Variants in LHFPL3 observed in about 807,000 individuals in gnomAD.
The protein encoded by LHFPL3 is LHFPL tetraspan subfamily member 3, also known as LHFPL tetraspan subfamily member 3 protein.
A neutral mutation model predicts 19.3 loss-of-function variants in LHFPL3; 5 were observed. The ratio of observed to expected loss-of-function variants is 0.26; its 90% CI spans 0.14 to 0.54. LHFPL3 has a LOEUF of 0.54. LHFPL3 is among the 20% of genes least tolerant of loss of function. The pLI is 0.94. For synonymous variants in LHFPL3, 133 were observed against 126.2 expected (o/e 1.05, Z -0.36); for missense variants, 249 against 307.4 (o/e 0.81, Z 1.42).
intron 1 of LHFPL3, among the ~76,000 whole-genome samples, chr7:104,719,637 G>T (rs143641432): frequency 6.6e-6 from 1 of 152,082 alleles, no homozygotes; most frequent in South Asian, 2.1e-4. Flanking sequence ...GTTTTTAAGC[G>T]TCATTTTATT....
chr7:104,575,782 G>A (rs1183169288), intron 1 of LHFPL3, among the ~76,000 whole-genome samples: 1 of 151,988 alleles, frequency 6.6e-6, no homozygotes, highest in Non-Finnish European at 1.5e-5. Context: ...AAAGTGCTGG[G>A]ATTACAGGCA....
chr7:104,592,131 G>A (rs1197358395), intron 1 of LHFPL3, among the ~76,000 whole-genome samples: 5 of 152,238 alleles, frequency 3.3e-5, no homozygotes, highest in African/African-American at 1.2e-4. Context: ...ACTCGTCAAA[G>A]TCATTCTCCA....
chr7:104,417,706 T>C (rs1025739452), intron 1 of LHFPL3, among the ~76,000 whole-genome samples: 4 of 152,074 alleles, frequency 2.6e-5, no homozygotes, highest in African/African-American at 9.7e-5. Flanking sequence ...CCAAGTTACA[T>C]TAATTCACAA....
In LHFPL3 at chr7:104,431,528, C is replaced by T. The variant is rs115383960; in HGVS notation, c.445+102304C>T. 2.2e-3 allele frequency among the ~76,000 whole-genome samples: 331 copies of T among 152,078 alleles called. 1 individual carries two copies. Among genetic ancestry groups the T allele is most frequent in the African/African-American group, 7.5e-3 (313 of 41,502 alleles). Reference sequence around the variant, plus strand: ...CTCACTTATTTGATCATTTTATTTCCTATATCTCTTGCAGTATTCTCCTGC... The same window carrying T: ...CTCACTTATTTGATCATTTTATTTCTTATATCTCTTGCAGTATTCTCCTGC... On this transcript the variant is annotated intron_variant, in intron 1 of 2. Transcript: ENST00000424859.
chr7:104,728,037 TAG>T (rs1421334812), intron 1 of LHFPL3, among the ~76,000 whole-genome samples: 2 of 151,936 alleles, frequency 1.3e-5, no homozygotes, highest in African/African-American at 4.8e-5. Flanking sequence ...AGCACACAGG[TAG>T]ATAAGAGAAG....
At chr7:104,642,111 C>A (rs1169904159) in intron 1 of LHFPL3, among the ~76,000 whole-genome samples, 1 of 144,406 alleles carries the variant, frequency 6.9e-6, no homozygotes. Flanking sequence ...AATCTCAGCT[C>A]ACTGCAGCCT....
At chr7:104,875,475 C>T (rs915663801) in intron 2 of LHFPL3, among the ~76,000 whole-genome samples, 2 of 152,146 alleles carry the variant, frequency 1.3e-5, no homozygotes, top group African/African-American at 4.8e-5. Context: ...TTATTAGAGC[C>T]CATCTGGGTG....
At chr7:104,854,617 T>C (rs1004795718) in intron 2 of LHFPL3, among the ~76,000 whole-genome samples, 23 of 152,222 alleles carry the variant, frequency 1.5e-4, no homozygotes, top group African/African-American at 5.3e-4. Flanking sequence ...AGATTGTCCA[T>C]ACTTCCAGCA....
chr7:104,418,145 C>T (rs1245407037), intron 1 of LHFPL3, among the ~76,000 whole-genome samples: 4 of 152,002 alleles, frequency 2.6e-5, no homozygotes, highest in African/African-American at 4.8e-5. Flanking sequence ...CAAAATACTG[C>T]GATTACAGGT....
intron 1 of LHFPL3, among the ~76,000 whole-genome samples, chr7:104,585,071 CT>C (rs1370224894): frequency 6.6e-6 from 1 of 152,144 alleles, no homozygotes; most frequent in Non-Finnish European, 1.5e-5. Flanking sequence ...ATGATTGGCA[CT>C]TTTTCCCCCT....
At chr7:104,566,405 T>C (rs1291268062) in intron 1 of LHFPL3, among the ~76,000 whole-genome samples, 1 of 152,080 alleles carries the variant, frequency 6.6e-6, no homozygotes. Context: ...CATCCACATC[T>C]GGAAATAAAA....
chr7:104,643,710 A>G (rs186106276), intron 1 of LHFPL3, among the ~76,000 whole-genome samples: 56 of 152,326 alleles, frequency 3.7e-4, no homozygotes, highest in African/African-American at 1.3e-3. Context: ...AGCTCCCCAG[A>G]TGATTCTAGT....
At chr7:104,361,773 G>A (rs1790393953) in intron 1 of LHFPL3, among the ~76,000 whole-genome samples, 1 of 152,198 alleles carries the variant, frequency 6.6e-6, no homozygotes, top group Admixed American at 6.5e-5. Flanking sequence ...AAGTAGCAAG[G>A]GTTTAGGAAC....
At chr7:104,456,731 C>T (rs979809077) in intron 1 of LHFPL3, among the ~76,000 whole-genome samples, 11 of 152,202 alleles carry the variant, frequency 7.2e-5, no homozygotes, top group Admixed American at 3.3e-4. Context: ...GCTTTTTGAA[C>T]GCAAGCACTA....
In LHFPL3 at chr7:104,356,890, A is replaced by C. The variant is rs73403803; in HGVS notation, c.445+27666A>C. On this transcript the variant is annotated intron_variant, in intron 1 of 2. Coordinates refer to ENST00000424859, the MANE Select transcript of LHFPL3 (RefSeq NM_199000.3). ...CTTGTTAGGAACCCAGCCACACAGCAGGAGGTGAGCAGCGGGCTAGCGAGC... is the reference window on the plus strand; with the variant it reads ...CTTGTTAGGAACCCAGCCACACAGCCGGAGGTGAGCAGCGGGCTAGCGAGC... Among the ~76,000 whole-genome samples, 876 of 152,304 alleles carry C rather than the reference A, an allele frequency of 5.8e-3. 13 individuals are homozygous for C. Among genetic ancestry groups the C allele is most frequent in the African/African-American group, 0.02 (829 of 41,576 alleles).
chr7:104,683,226 G>A (rs1434170968), intron 1 of LHFPL3, among the ~76,000 whole-genome samples: 1 of 152,194 alleles, frequency 6.6e-6, no homozygotes, highest in African/African-American at 2.4e-5. Flanking sequence ...CTGACCTCAG[G>A]TGATCCACTC....
intron 1 of LHFPL3, among the ~76,000 whole-genome samples, chr7:104,548,579 T>C (rs1794612684): frequency 6.6e-6 from 1 of 152,070 alleles, no homozygotes; most frequent in African/African-American, 2.4e-5. Context: ...AAATACGAAA[T>C]AAAGATGGAA....
chr7:104,420,789 C>G (rs556302799), intron 1 of LHFPL3, among the ~76,000 whole-genome samples: 175 of 152,168 alleles, frequency 1.2e-3, no homozygotes, highest in Admixed American at 1.3e-3. Flanking sequence ...GTCTCGATCT[C>G]CTGACCTCGT....
rs919664882 is a variant in LHFPL3, at chr7:104,670,868, T to C, written c.446-65807T>C. 3.6e-4 allele frequency among the ~76,000 whole-genome samples: 54 copies of C among 150,130 alleles called. 1 individual carries two copies. Among genetic ancestry groups the C allele is most frequent in the Middle Eastern group, 3.4e-3 (1 of 290 alleles). On this transcript the variant is annotated intron_variant, in intron 1 of 2. Coordinates refer to ENST00000424859, the MANE Select transcript of LHFPL3 (RefSeq NM_199000.3). ...GCCAGACCAATGTGTTTTGTTTTGT[T>C]TTTTTTTTTTTAAGCTTCCCTTGAG...
Sources: gnomAD v4.1 joint callset for allele counts (sites outside exome capture counted in the v4.1 genomes callset) on GRCh38, gnomAD v4.1.1 for gene constraint, MANE v1.5 for transcripts, NCBI Gene and HGNC (gene_info 2026-07-23, HGNC 2026-07-21) for gene names.